Variants in AR observed in about 807,000 individuals in gnomAD.
AR encodes the protein androgen receptor, also known as dihydrotestosterone receptor.
A neutral mutation model predicts 53.9 loss-of-function variants in AR; 8 were observed. The ratio of observed to expected loss-of-function variants is 0.15; its 90% CI spans 0.09 to 0.27. The LOEUF (loss-of-function observed/expected upper bound fraction) is 0.27. Among genes scored for constraint, AR ranks in the 10% least tolerant of loss-of-function variants. AR has a pLI of 1.00. For missense variants in AR, 639 were observed against 742.5 expected (o/e 0.86, Z 1.62); for synonymous variants, 359 against 316.4 (o/e 1.13, Z -1.43).
chrX:67,639,983 G>C (rs892251484), intron 1 of AR, among the ~76,000 whole-genome samples: 1 of 111,340 alleles, frequency 9.0e-6, no homozygotes, highest in African/African-American at 3.3e-5. Flanking sequence ...ATTATTTTGA[G>C]ATATATTCCA....
In AR at chrX:67,546,298, C is replaced by G. The variant is rs751260108; in HGVS notation, c.1152C>G (p.His384Gln). 7 of 1,201,186 alleles carry G rather than the reference C, an allele frequency of 5.8e-6. No homozygotes were observed. The highest frequency in any genetic ancestry group is 7.9e-6 in the Non-Finnish European group (7 of 891,097). ...CCCCTCCGCCGCCTCCCCATCCCCACGCTCGCATCAAGCTGGAGAACCCGC... is the reference window on the plus strand; with the variant it reads ...CCCCTCCGCCGCCTCCCCATCCCCAGGCTCGCATCAAGCTGGAGAACCCGC... ...PPPPPPPPHP[H>Q]ARIKLENPLD... Residue 384 changes from histidine (H) to glutamine (Q), a missense_variant, in exon 1 of 8, where the codon CAC (histidine) becomes CAG (glutamine). This residue lies in a region of AR where 423 missense variants were observed against 377.0 expected (regional missense o/e 1.12). Transcript: ENST00000374690.
chrX:67,729,068 C>T lies in AR; in HGVS notation c.*5227C>T. The T allele has an allele frequency of 5.7e-6, 1 of 175,629 alleles. No homozygotes were observed. The highest frequency in any genetic ancestry group is 3.0e-4 in the South Asian group (1 of 3,372). 14.5% of individuals were successfully genotyped at this position (175,629 alleles called of 1,213,427 possible). On this transcript the variant is annotated 3_prime_UTR_variant, in exon 8 of 8. Coordinates refer to ENST00000374690, the MANE Select transcript of AR (RefSeq NM_000044.6). The stretch of plus-strand genomic sequence containing the variant: ...GAAGGGCAGTTTCCTGCATTGGAAC[C>T]TGGAGCAAGCGCTCTATCTTTCACA...
At chrX:67,721,521 A>G (rs2076135599) in intron 5 of AR, among the ~76,000 whole-genome samples, 1 of 111,518 alleles carries the variant, frequency 9.0e-6, no homozygotes, top group African/African-American at 3.3e-5. Flanking sequence ...TCATTTGGTT[A>G]GGCTTTCCTG....
intron 2 of AR, among the ~76,000 whole-genome samples, chrX:67,654,509 C>A (rs1236450294): frequency 9.1e-6 from 1 of 110,461 alleles, no homozygotes; most frequent in Non-Finnish European, 1.9e-5. Flanking sequence ...GCCAGCCCAG[C>A]CAGCACGTGT....
At chrX:67,660,921 G>T (rs1602233604) in intron 2 of AR, among the ~76,000 whole-genome samples, 1 of 111,147 alleles carries the variant, frequency 9.0e-6, no homozygotes, top group African/African-American at 3.3e-5. Flanking sequence ...CCTTGAAGAG[G>T]TCCTTCAAGT....
intron 3 of AR, chrX:67,694,664 T>C (rs1002495172): frequency 6.6e-5 from 76 of 1,152,443 alleles, no homozygotes; most frequent in Non-Finnish European, 8.5e-5. Context: ...TGTCTCTCTT[T>C]CATACTAGAA....
intron 1 of AR, among the ~76,000 whole-genome samples, chrX:67,573,666 A>G (rs1009479933): frequency 9.0e-6 from 1 of 111,348 alleles, no homozygotes. Flanking sequence ...TTGCCCTACC[A>G]CCCTTTGGCA....
intron 1 of AR, among the ~76,000 whole-genome samples, chrX:67,606,772 G>A (rs1345282176): frequency 8.9e-6 from 1 of 112,164 alleles, no homozygotes; most frequent in Non-Finnish European, 1.9e-5. Context: ...AGTAGGATTT[G>A]CATTTTAGAA....
intron 2 of AR, among the ~76,000 whole-genome samples, chrX:67,643,754 T>C (rs754101837): frequency 1.1e-4 from 12 of 111,949 alleles, no homozygotes; most frequent in East Asian, 2.8e-4. Context: ...TTTGTCCTTA[T>C]TAGAGAGGTT....
At chrX:67,698,988 G>A (rs2076031924) in intron 3 of AR, among the ~76,000 whole-genome samples, 1 of 111,990 alleles carries the variant, frequency 8.9e-6, no homozygotes, top group African/African-American at 3.2e-5. Context: ...AAATCTCAGA[G>A]AAGCTGAACA....
intron 3 of AR, among the ~76,000 whole-genome samples, chrX:67,709,415 C>G (rs186809928): frequency 3.5e-4 from 39 of 112,482 alleles, no homozygotes; most frequent in Admixed American, 3.2e-3. Context: ...GAGCGATGCT[C>G]CATGGGCGTG....
chrX:67,669,564 A>G (rs1289991064), intron 2 of AR, among the ~76,000 whole-genome samples: 3 of 111,872 alleles, frequency 2.7e-5, no homozygotes, highest in Non-Finnish European at 5.7e-5. Flanking sequence ...TCCATTTAAG[A>G]CATAATGCAG....
At chrX:67,630,769 G>A (rs994109929) in intron 1 of AR, among the ~76,000 whole-genome samples, 16 of 110,352 alleles carry the variant, frequency 1.4e-4, no homozygotes, top group African/African-American at 3.3e-4. Context: ...ATTTTGCAGC[G>A]GCTGGTACCG....
At chrX:67,686,964 C>T (rs1465011314) in intron 3 of AR, among the ~76,000 whole-genome samples, 1 of 111,422 alleles carries the variant, frequency 9.0e-6, no homozygotes. Context: ...TGCCAGGGTC[C>T]TCGCTGCTGC....
Position 67,711,471 on chromosome X carries a change from C to T in AR, c.1955C>T (p.Pro652Leu), listed in dbSNP as rs2147524354. 1 of 1,208,626 alleles carries T rather than the reference C, an allele frequency of 8.3e-7. No homozygotes were observed. The highest frequency in any genetic ancestry group is 1.1e-6 in the Non-Finnish European group (1 of 893,908). ...EEGEASSTTS[P>L]TEETTQKLTV... ...GGAGAGGCTTCCAGCACCACCAGCC[C>T]CACTGAGGAGACAACCCAGAAGCTG... Residue 652 changes from proline (P) to leucine (L), a missense_variant, in exon 4 of 8, where the codon CCC (proline) becomes CTC (leucine). Coordinates refer to ENST00000374690, the MANE Select transcript of AR (RefSeq NM_000044.6).
At chrX:67,595,851 C>T (rs965448257) in intron 1 of AR, among the ~76,000 whole-genome samples, 5 of 111,156 alleles carry the variant, frequency 4.5e-5, no homozygotes, top group African/African-American at 1.3e-4. Context: ...TAATTTTCAC[C>T]TTGAAAAGCT....
At chrX:67,686,254 G>A in intron 3 of AR, 128 bp downstream of exon 3, 1 of 768,557 alleles carries the variant, frequency 1.3e-6, no homozygotes, top group Non-Finnish European at 1.9e-6. Context: ...CTAGACACAG[G>A]CTGACCCTTT....
intron 2 of AR, among the ~76,000 whole-genome samples, chrX:67,653,685 T>C (rs1006067119): frequency 9.0e-6 from 1 of 111,191 alleles, no homozygotes; most frequent in Non-Finnish European, 1.9e-5. Flanking sequence ...GAGCTGTCCA[T>C]AGCTGCCCTA....
In AR at chrX:67,546,230, C is replaced by G. The variant is rs1195392577; in HGVS notation, c.1084C>G (p.Arg362Gly). ...GGACGAGGCAGCTGCGTACCAGAGT[C>G]GCGACTACTACAACTTTCCACTGGC... The part of the protein sequence containing the change: ...ALDEAAAYQS[R>G]DYYNFPLALA... The change falls in exon 1 of 8, where the codon CGC becomes GGC. Residue 362 changes from arginine (R) to glycine (G), a missense_variant. Transcript: ENST00000374690. 3 of 1,210,002 alleles carry G rather than the reference C, an allele frequency of 2.5e-6. No homozygotes were observed. The African/African-American group carries it at 5.2e-5, about 21-fold the overall frequency.
Sources: gnomAD v4.1 joint callset for allele counts (sites outside exome capture counted in the v4.1 genomes callset) on GRCh38, gnomAD v4.1.1 for gene constraint, gnomAD v4.1.1 regional missense constraint, MANE v1.5 for transcripts, NCBI Gene and HGNC (gene_info 2026-07-23, HGNC 2026-07-21) for gene names.